Variants in GABPB2 observed in about 807,000 individuals in gnomAD.
The protein encoded by GABPB2 is GA binding protein transcription factor subunit beta 2, also known as GA-binding protein subunit beta-2.
Under a neutral mutation model 39.1 loss-of-function variants are expected in GABPB2, and 23 were observed. The ratio of observed to expected loss-of-function variants is 0.59; its 90% CI spans 0.42 to 0.83. The LOEUF is 0.83. GABPB2 is among the 40% of genes least tolerant of loss of function. GABPB2 has a pLI of 0.00. For missense variants in GABPB2, 467 were observed against 541.1 expected (o/e 0.86, Z 1.36); for synonymous variants, 184 against 199.3 (o/e 0.92, Z 0.65).
intron 1 of GABPB2, among the ~76,000 whole-genome samples, chr1:151,080,741 C>A (rs909986595): frequency 2.0e-4 from 29 of 148,434 alleles, no homozygotes; most frequent in Admixed American, 1.9e-3. Context: ...CCCAGCTACT[C>A]GGGAGACTGA....
intron 8 of GABPB2, 73 bp downstream of exon 8, chr1:151,117,589 CTTTTT>C: frequency 6.6e-7 from 1 of 1,504,250 alleles, no homozygotes; most frequent in Non-Finnish European, 9.1e-7. Flanking sequence ...TTCATCTTTT[CTTTTT>C]TCTTTTTGAG....
At chr1:151,072,128 A>G (rs1676781553) in intron 1 of GABPB2, among the ~76,000 whole-genome samples, 1 of 152,264 alleles carries the variant, frequency 6.6e-6, no homozygotes, top group Non-Finnish European at 1.5e-5. Context: ...TGATGACAAT[A>G]AAGAGAAAAC....
chr1:151,101,547 C>T (rs587644551), intron 5 of GABPB2, among the ~76,000 whole-genome samples: 2 of 151,430 alleles, frequency 1.3e-5, no homozygotes, highest in South Asian at 4.2e-4. Context: ...GCACTCCAGT[C>T]TGGGCAACAA....
At chr1:151,104,322 G>A (rs999563074) in intron 6 of GABPB2, among the ~76,000 whole-genome samples, 3 of 152,178 alleles carry the variant, frequency 2.0e-5, no homozygotes, top group African/African-American at 4.8e-5. Flanking sequence ...TTAGAAATCT[G>A]TCTGGAACCC....
intron 1 of GABPB2, 146 bp downstream of exon 1, chr1:151,071,080 C>T (rs1459590759): frequency 1.4e-5 from 2 of 144,664 alleles, no homozygotes; most frequent in Non-Finnish European, 3.0e-5. Flanking sequence ...GCGGGGGCAG[C>T]GGCGGGAGGG....
At chr1:151,083,577 T>C (rs2101460389) in intron 1 of GABPB2, among the ~76,000 whole-genome samples, 1 of 151,626 alleles carries the variant, frequency 6.6e-6, no homozygotes, top group East Asian at 1.9e-4. Flanking sequence ...AGGTTGGCAG[T>C]AAGCCGTCAT....
intron 5 of GABPB2, among the ~76,000 whole-genome samples, chr1:151,102,608 A>G (rs1679624430): frequency 6.6e-6 from 1 of 151,774 alleles, no homozygotes; most frequent in African/African-American, 2.4e-5. Flanking sequence ...AACCCAGCTA[A>G]TTTTTGTATT....
At chr1:151,115,960 G>A (rs1407811196) in intron 7 of GABPB2, among the ~76,000 whole-genome samples, 4 of 151,900 alleles carry the variant, frequency 2.6e-5, no homozygotes, top group South Asian at 2.1e-4. Context: ...AAAATTAACT[G>A]TGTGTGATGG....
chr1:151,084,059 T>A (rs587631818), intron 1 of GABPB2, among the ~76,000 whole-genome samples: 1 of 150,062 alleles, frequency 6.7e-6, no homozygotes, highest in South Asian at 2.1e-4. Context: ...ATTATATATA[T>A]AAAAAAATAT....
chr1:151,091,661 T>C (rs934894635), intron 3 of GABPB2, among the ~76,000 whole-genome samples: 1 of 151,376 alleles, frequency 6.6e-6, no homozygotes, highest in African/African-American at 2.4e-5. Flanking sequence ...GTATTTTTAG[T>C]AGAGATGGGG....
intron 6 of GABPB2, 28 bp from the exon 7 acceptor site, chr1:151,107,009 A>T (rs761175733): frequency 6.5e-7 from 1 of 1,529,362 alleles, no homozygotes; most frequent in South Asian, 1.2e-5. Flanking sequence ...AAAAGCTGAA[A>T]TTTTAAATTT....
At chr1:151,117,114 C>T (rs1680939101) in intron 7 of GABPB2, among the ~76,000 whole-genome samples, 3 of 152,088 alleles carry the variant, frequency 2.0e-5, no homozygotes, top group African/African-American at 7.2e-5. Flanking sequence ...TTCGAAAATT[C>T]AAAGAGATAT....
chr1:151,084,777 G>C (rs1042175750), intron 1 of GABPB2, among the ~76,000 whole-genome samples: 1 of 150,430 alleles, frequency 6.6e-6, no homozygotes, highest in Non-Finnish European at 1.5e-5. Flanking sequence ...CTTGTGATCC[G>C]CCCGCCTCTG....
intron 5 of GABPB2, among the ~76,000 whole-genome samples, chr1:151,098,850 G>C (rs1023641361): frequency 3.3e-5 from 5 of 152,078 alleles, no homozygotes; most frequent in African/African-American, 1.2e-4. Flanking sequence ...TTGGGAGGCC[G>C]AAGTGGGTGG....
chr1:151,100,478 A>C (rs1679428009), intron 5 of GABPB2, among the ~76,000 whole-genome samples: 1 of 148,096 alleles, frequency 6.8e-6, no homozygotes, highest in African/African-American at 2.5e-5. Flanking sequence ...ATGGGGTTTC[A>C]CCATGTTGCC....
chr1:151,099,237 T>G (rs1213463786), intron 5 of GABPB2, among the ~76,000 whole-genome samples: 1 of 151,864 alleles, frequency 6.6e-6, no homozygotes, highest in African/African-American at 2.4e-5. Flanking sequence ...TCGCTGTGTT[T>G]CCCAGGCTGG....
At position 151,076,893 on chromosome 1, in the gene GABPB2, A is replaced by G. The variant is rs1331670214; in HGVS notation, c.-1+5959A>G. Among the ~76,000 whole-genome samples the G allele has an allele frequency of 2.7e-5, 4 of 149,786 alleles. No homozygotes were observed. In the South Asian group the frequency reaches 6.3e-4, roughly 24 times the overall value. On this transcript the variant is annotated intron_variant, in intron 1 of 8. Coordinates refer to ENST00000368918, the MANE Select transcript of GABPB2 (RefSeq NM_144618.3). ...ACTGCAAGCTCCACCTCCTGGGTTC[A>G]TGCCATTCTCCTGCCTCAGCCTCCC... is the stretch of plus-strand genomic sequence containing the variant.
chr1:151,121,693 C>T lies in GABPB2; in HGVS notation c.*3437C>T, dbSNP rs953185751. 6.6e-6 allele frequency: 1 copy of T among 152,180 alleles called. No individual in the cohort carries two copies. The highest frequency in any genetic ancestry group is 2.4e-5 in the African/African-American group (1 of 41,430). 9.4% of individuals were successfully genotyped at this position (152,180 alleles called of 1,614,324 possible). ...CCTCAGGTGATCCACCTGTCTCGAC[C>T]TCCCAAAGTGCTGGGATTATAGGCG... is the stretch of plus-strand genomic sequence containing the variant. On this transcript the variant is annotated 3_prime_UTR_variant, in exon 9 of 9. Transcript: ENST00000368918.
At chr1:151,076,188 A>G (rs899738025) in intron 1 of GABPB2, among the ~76,000 whole-genome samples, 1 of 152,194 alleles carries the variant, frequency 6.6e-6, no homozygotes, top group African/African-American at 2.4e-5. Context: ...AAACTATCCC[A>G]AGTAAATTAA....
Sources: gnomAD v4.1 joint callset for allele counts (sites outside exome capture counted in the v4.1 genomes callset) on GRCh38, gnomAD v4.1.1 for gene constraint, MANE v1.5 for transcripts, NCBI Gene and HGNC (gene_info 2026-07-23, HGNC 2026-07-21) for gene names.